The following VNN1 variants were observed in gnomAD, a reference collection of about 807,000 sequenced individuals.
The protein encoded by VNN1 is pantetheinase.
Under a neutral mutation model 41.9 loss-of-function variants are expected in VNN1, and 29 were observed. That is an observed-to-expected ratio of 0.69 (90% CI 0.52 to 0.94). The LOEUF (loss-of-function observed/expected upper bound fraction) is 0.94, where lower values mean the gene tolerates loss of function less well. Among genes scored for constraint, VNN1 ranks in the 40% least tolerant of loss-of-function variants. The pLI is 0.00. For missense variants in VNN1, 637 were observed against 621.1 expected (o/e 1.03, Z -0.27); for synonymous variants, 233 against 224.4 (o/e 1.04, Z -0.34).
At chr6:132,701,299 C>G (rs553964389) in intron 2 of VNN1, among the ~76,000 whole-genome samples, 2 of 152,250 alleles carry the variant, frequency 1.3e-5, no homozygotes, top group East Asian at 3.9e-4. Flanking sequence ...GGTTAATATT[C>G]TAGGCAGTAT....
rs950082664 is a variant in VNN1, at chr6:132,700,949, G to A, written c.342-6767C>T. Among the ~76,000 whole-genome samples the A allele has an allele frequency of 2.0e-5, 3 of 152,074 alleles. No homozygotes were observed. In the East Asian group the frequency reaches 5.8e-4, roughly 29 times the overall value. On this transcript the variant is annotated intron_variant, in intron 2 of 6. Coordinates refer to ENST00000367928, the MANE Select transcript of VNN1 (RefSeq NM_004666.3). ...TGGTATAATGGATTTAAGCTATGAA[G>A]CCTCAAAACATCACAACTACATTAA...
chr6:132,709,186 G>A (rs774101997), intron 2 of VNN1, among the ~76,000 whole-genome samples: 3 of 148,920 alleles, frequency 2.0e-5, no homozygotes, highest in African/African-American at 7.6e-5. Flanking sequence ...TATAAAGATA[G>A]GTAGATAGAT....
chr6:132,711,496 T>C (rs1440882257), intron 2 of VNN1, among the ~76,000 whole-genome samples: 1 of 152,228 alleles, frequency 6.6e-6, no homozygotes, highest in Non-Finnish European at 1.5e-5. Flanking sequence ...TCACACTGAA[T>C]GTGATGATTT....
chr6:132,684,287 G>A (rs776089885), intron 6 of VNN1, 48 bp downstream of exon 6: 5 of 1,554,582 alleles, frequency 3.2e-6, no homozygotes, highest in East Asian at 4.6e-5. Flanking sequence ...ATATCAAAAA[G>A]TGCTTCCTCT....
chr6:132,712,618 G>T (rs774591469), intron 1 of VNN1, among the ~76,000 whole-genome samples: 1 of 152,036 alleles, frequency 6.6e-6, no homozygotes, highest in Non-Finnish European at 1.5e-5. Context: ...TTCCTCCTCT[G>T]CCCTAGCTTT....
rs974917821 is a variant in VNN1 at position 132,682,113 on chromosome 6, C to T, written c.*1027G>A. 4.6e-5 allele frequency: 7 copies of T among 152,190 alleles called. No individual in the cohort carries two copies. The highest frequency in any genetic ancestry group is 1.0e-4 in the Non-Finnish European group (7 of 68,038). 9.4% of individuals were successfully genotyped at this position (152,190 alleles called of 1,614,324 possible). A position where few individuals can be genotyped will look rare whatever the true frequency, so the allele number is the denominator to read the frequency against. On this transcript the variant is annotated 3_prime_UTR_variant, in exon 7 of 7. Coordinates refer to ENST00000367928, the MANE Select transcript of VNN1 (RefSeq NM_004666.3). ...GAACACACAATGCTATATTAAATAT[C>T]TAATTTCTTAAAATGGGACTCTCTG...
chr6:132,686,740 T>A (rs1482971358), intron 5 of VNN1, among the ~76,000 whole-genome samples: 1 of 152,108 alleles, frequency 6.6e-6, no homozygotes, highest in African/African-American at 2.4e-5. Flanking sequence ...GAAAAACTTA[T>A]TGCATGAAAA....
chr6:132,705,314 A>G (rs537908251), intron 2 of VNN1, among the ~76,000 whole-genome samples: 2 of 152,196 alleles, frequency 1.3e-5, no homozygotes, highest in Non-Finnish European at 2.9e-5. Context: ...ACATTAAAAA[A>G]TTATTCATCA....
rs1446451503 is a variant in VNN1 at position 132,684,416 on chromosome 6, G to A, written c.1278C>T (p.Ser426=). The change falls in exon 6 of 7, where the codon TCC becomes TCT. Residue 426 remains serine, a synonymous_variant. Coordinates refer to ENST00000367928, the MANE Select transcript of VNN1 (RefSeq NM_004666.3). ...ACTGGGTTCCGAAAGTGCCACTGAG[G>A]GAGAACATTTCAAACCTGGTAGAAG... ...ETASTRFEMF[S]LSGTFGTQYV... The A allele has an allele frequency of 9.9e-6, 16 of 1,613,872 alleles. No individual in the cohort carries two copies. Among genetic ancestry groups the A allele is most frequent in the East Asian group, 2.2e-5 (1 of 44,860 alleles).
intron 2 of VNN1, among the ~76,000 whole-genome samples, chr6:132,704,754 C>A (rs1199030721): frequency 6.6e-6 from 1 of 150,428 alleles, no homozygotes; most frequent in Non-Finnish European, 1.5e-5. Flanking sequence ...CCAAAAAAAA[C>A]TAAAAAGTTT....
chr6:132,698,613 A>G (rs45588132), intron 2 of VNN1, among the ~76,000 whole-genome samples: 2,834 of 152,282 alleles, frequency 0.019, 89 homozygotes, highest in African/African-American at 0.064. Flanking sequence ...GACCCTGATG[A>G]GAGCAATATG....
At chr6:132,687,856 TA>T (rs781630226) in intron 5 of VNN1, among the ~76,000 whole-genome samples, 17 of 152,094 alleles carry the variant, frequency 1.1e-4, no homozygotes, top group Non-Finnish European at 2.2e-4. Context: ...ATAAGGCAAT[TA>T]ATAACTTTAG....
chr6:132,711,750 T>C lies in VNN1; in HGVS notation c.300A>G (p.Pro100=). The stretch of plus-strand genomic sequence containing the variant: ...AGGGGATCCAGTTTACTTCAGGGTC[T>C]GGGATGTCCTCCAAATATGGGTAGA... The part of the protein sequence containing the change: ...DSLYPYLEDI[P]DPEVNWIPCN... Residue 100 remains proline (P), a synonymous_variant, in exon 2 of 7, where the codon CCA becomes CCG. Transcript: ENST00000367928. 1 of 1,614,038 alleles carries C rather than the reference T, an allele frequency of 6.2e-7. No individual in the cohort carries two copies. Among genetic ancestry groups the C allele is most frequent in the Non-Finnish European group, 8.5e-7 (1 of 1,179,918 alleles).
At chr6:132,686,039 A>G (rs577809379) in intron 5 of VNN1, among the ~76,000 whole-genome samples, 1 of 152,336 alleles carries the variant, frequency 6.6e-6, no homozygotes, top group African/African-American at 2.4e-5. Context: ...GTTGCCAGGT[A>G]AAACACAGGA....
chr6:132,684,849 A>G lies in VNN1; in HGVS notation c.1189-344T>C, dbSNP rs1327647224. Reference sequence around the variant, plus strand: ...TCCAGTTTATCACTGAATAATTAATACAACTAATAATAAAAATAAAGGGCT... The same window carrying G: ...TCCAGTTTATCACTGAATAATTAATGCAACTAATAATAAAAATAAAGGGCT... On this transcript the variant is annotated intron_variant, in intron 5 of 6. Transcript: ENST00000367928. 7.2e-5 allele frequency among the ~76,000 whole-genome samples: 11 copies of G among 152,244 alleles called. No individual in the cohort carries two copies. The East Asian group carries it at 2.1e-3, about 29-fold the overall frequency.
chr6:132,687,788 T>C (rs2327272), intron 5 of VNN1, among the ~76,000 whole-genome samples: 1 of 152,164 alleles, frequency 6.6e-6, no homozygotes, highest in East Asian at 1.9e-4. Flanking sequence ...TCTGAGATGC[T>C]GTTGGAAGAT....
chr6:132,708,711 C>T (rs1480145981), intron 2 of VNN1, among the ~76,000 whole-genome samples: 1 of 152,182 alleles, frequency 6.6e-6, no homozygotes, highest in East Asian at 1.9e-4. Flanking sequence ...AATACCTAAA[C>T]TTCTACCATT....
intron 2 of VNN1, among the ~76,000 whole-genome samples, chr6:132,696,409 T>G (rs531521346): frequency 6.4e-4 from 97 of 152,260 alleles, no homozygotes; most frequent in African/African-American, 2.2e-3. Flanking sequence ...AAATAATGGC[T>G]GAAAACTTCC....
At chr6:132,695,946 C>T (rs1033310319) in intron 2 of VNN1, among the ~76,000 whole-genome samples, 5 of 151,958 alleles carry the variant, frequency 3.3e-5, no homozygotes, top group African/African-American at 9.7e-5. Context: ...AATCACAAAT[C>T]ATACAAAGAA....
Sources: allele counts gnomAD v4.1 joint callset (sites outside exome capture counted in the v4.1 genomes callset), GRCh38; gene constraint gnomAD v4.1.1; transcripts MANE v1.5; gene names NCBI Gene and HGNC (gene_info 2026-07-23, HGNC 2026-07-21).